Variants in ZNF831 observed in about 807,000 individuals in gnomAD.
ZNF831 encodes zinc finger protein 831, also known as chromosome 20 open reading frame 174.
Under a neutral mutation model 95.8 loss-of-function variants are expected in ZNF831, and 59 were observed. The observed-to-expected ratio is 0.62, with a 90% confidence interval of 0.50 to 0.77. The LOEUF (loss-of-function observed/expected upper bound fraction) is 0.77. ZNF831 is among the 30% of genes least tolerant of loss of function. The pLI, the probability that ZNF831 is intolerant of heterozygous loss-of-function variation, is 0.00. For missense variants in ZNF831, 2,205 were observed against 2,164.0 expected (o/e 1.02, Z -0.38); for synonymous variants, 961 against 925.5 (o/e 1.04, Z -0.70).
chr20:59,237,665 T>C (rs540697679), intron 4 of ZNF831, among the ~76,000 whole-genome samples: 9 of 152,342 alleles, frequency 5.9e-5, no homozygotes, highest in African/African-American at 2.2e-4. Context: ...ATGGAAGTTA[T>C]TCTCCTTTGA....
chr20:59,142,921 C>T (rs1003078397), intron 1 of ZNF831, among the ~76,000 whole-genome samples: 3 of 152,116 alleles, frequency 2.0e-5, no homozygotes, highest in Non-Finnish European at 2.9e-5. Context: ...TTTTAGACCA[C>T]GGTCTCACTC....
At chr20:59,204,269 C>T (rs1984727527) in intron 3 of ZNF831, among the ~76,000 whole-genome samples, 1 of 152,260 alleles carries the variant, frequency 6.6e-6, no homozygotes, top group African/African-American at 2.4e-5. Flanking sequence ...TGTCTATTCA[C>T]TTTAGTCATC....
chr20:59,142,182 C>G (rs1322617482), intron 1 of ZNF831, among the ~76,000 whole-genome samples: 1 of 152,132 alleles, frequency 6.6e-6, no homozygotes, highest in Non-Finnish European at 1.5e-5. Flanking sequence ...AGTAGAGAGT[C>G]AGTAGTTGGC....
chr20:59,217,771 T>C lies in ZNF831; in HGVS notation c.4027+10715T>C, dbSNP rs1170435733. On this transcript the variant is annotated intron_variant, in intron 4 of 5. Transcript: ENST00000371030. This position sits in a 1 kb window ranked among gnomAD's most constrained non-coding sequence, Gnocchi z 4.4. ...AACATGGAGGGACGATAAGACTCGTTTATTTATTTATTTATTTTTTTAAAT... is the reference window on the plus strand; with the variant it reads ...AACATGGAGGGACGATAAGACTCGTCTATTTATTTATTTATTTTTTTAAAT... Among the ~76,000 whole-genome samples, 2 of 152,002 alleles carry C rather than the reference T, an allele frequency of 1.3e-5. No individual in the cohort carries two copies. Among genetic ancestry groups the C allele is most frequent in the South Asian group, 4.2e-4 (2 of 4,784 alleles).
At chr20:59,239,983 C>T (rs1402863560) in intron 4 of ZNF831, among the ~76,000 whole-genome samples, 2 of 152,210 alleles carry the variant, frequency 1.3e-5, no homozygotes, top group Admixed American at 6.5e-5. Flanking sequence ...ACTGGTTCCT[C>T]CAGCCCCCAC....
intron 1 of ZNF831, among the ~76,000 whole-genome samples, chr20:59,143,136 T>A (rs1979733964): frequency 6.6e-6 from 1 of 152,200 alleles, no homozygotes; most frequent in African/African-American, 2.4e-5. Flanking sequence ...TGGCCTCAAA[T>A]GATTCTCCCA....
At chr20:59,138,889 T>C (rs1979591302) in intron 1 of ZNF831, among the ~76,000 whole-genome samples, 1 of 152,228 alleles carries the variant, frequency 6.6e-6, no homozygotes, top group African/African-American at 2.4e-5. Flanking sequence ...AGCCAGTGGA[T>C]GTTCCCTTGG....
intron 4 of ZNF831, among the ~76,000 whole-genome samples, chr20:59,225,221 T>G (rs1986352810): frequency 6.6e-6 from 1 of 152,212 alleles, no homozygotes; most frequent in Non-Finnish European, 1.5e-5. Flanking sequence ...CTTAACGTGG[T>G]TTACTCTGGA....
intron 1 of ZNF831, among the ~76,000 whole-genome samples, chr20:59,135,477 A>T (rs905315794): frequency 5.3e-5 from 8 of 152,214 alleles, no homozygotes; most frequent in Admixed American, 4.6e-4. Flanking sequence ...CACGCCTGTA[A>T]TCCCAGCACT....
chr20:59,152,014 A>G (rs982312547), intron 2 of ZNF831, among the ~76,000 whole-genome samples: 20 of 152,174 alleles, frequency 1.3e-4, no homozygotes, highest in African/African-American at 4.8e-4. Context: ...CTGCCTCACC[A>G]CTATCAACCT....
At chr20:59,160,345 G>C (rs1980780835), upstream of ZNF831, 1 of 152,324 alleles carries the variant, frequency 6.6e-6, no homozygotes, top group Non-Finnish European at 1.5e-5. Context: ...CATGATGGTG[G>C]GGGGAGGAAG....
At chr20:59,125,263 C>A (rs1979135826) in intron 1 of ZNF831, among the ~76,000 whole-genome samples, 1 of 152,224 alleles carries the variant, frequency 6.6e-6, no homozygotes, top group Admixed American at 6.5e-5. Context: ...CATCCCTGGC[C>A]TCACCCTGCT....
intron 1 of ZNF831, among the ~76,000 whole-genome samples, chr20:59,144,023 C>T (rs1979761620): frequency 6.6e-6 from 1 of 152,236 alleles, no homozygotes; most frequent in African/African-American, 2.4e-5. Flanking sequence ...ACTCTGTTCA[C>T]ACAGAGTTCA....
At chr20:59,243,975 C>T (rs1987466574) in intron 4 of ZNF831, among the ~76,000 whole-genome samples, 1 of 152,046 alleles carries the variant, frequency 6.6e-6, no homozygotes, top group Non-Finnish European at 1.5e-5. Flanking sequence ...CTTTCTTCCT[C>T]ACAATTTATC....
chr20:59,240,772 AG>A, intron 4 of ZNF831, among the ~76,000 whole-genome samples: 1 of 152,350 alleles, frequency 6.6e-6, no homozygotes, highest in Non-Finnish European at 1.5e-5. Flanking sequence ...ACTGCACTCC[AG>A]CCTGGGCGAC....
rs61743783 is a variant in ZNF831, at chr20:59,192,762, C to G, written c.1743C>G (p.Pro581=). 1 of 1,612,280 alleles carries G rather than the reference C, an allele frequency of 6.2e-7. No individual in the cohort carries two copies. The highest frequency in any genetic ancestry group is 1.1e-5 in the South Asian group (1 of 90,998). ...PGTPIGDALV[P]AEDTDAKRTA... is the part of the protein sequence containing the mutation. Reference sequence around the variant, plus strand: ...CCCCCATTGGCGATGCCCTGGTGCCCGCAGAGGACACAGACGCAAAGAGAA... The same window carrying G: ...CCCCCATTGGCGATGCCCTGGTGCCGGCAGAGGACACAGACGCAAAGAGAA... Residue 581 remains proline (P), a synonymous_variant, in exon 2 of 6, where the codon CCC becomes CCG. Transcript: ENST00000371030. This position sits in a 1 kb window ranked among gnomAD's most constrained non-coding sequence, Gnocchi z 5.2.
intron 1 of ZNF831, among the ~76,000 whole-genome samples, chr20:59,131,797 G>A (rs915418576): frequency 4.6e-5 from 7 of 152,350 alleles, no homozygotes; most frequent in East Asian, 3.9e-4. Context: ...TCTCCAGGGC[G>A]TGAGACAGAT....
At chr20:59,243,791 A>G (rs1031873053) in intron 4 of ZNF831, among the ~76,000 whole-genome samples, 3 of 152,216 alleles carry the variant, frequency 2.0e-5, no homozygotes, top group African/African-American at 7.2e-5. Flanking sequence ...TGATGAGGCA[A>G]TTGCTTAAAC....
At chr20:59,168,017 T>C (rs1981421917) in intron 1 of ZNF831, among the ~76,000 whole-genome samples, 1 of 152,242 alleles carries the variant, frequency 6.6e-6, no homozygotes, top group Admixed American at 6.5e-5. Flanking sequence ...TCAAGTTAGG[T>C]AGACTGATTC....
Sources: gnomAD v4.1 joint callset for allele counts (sites outside exome capture counted in the v4.1 genomes callset) on GRCh38, gnomAD v4.1.1 for gene constraint, Gnocchi (gnomAD v3.1) non-coding constraint, MANE v1.5 for transcripts, NCBI Gene and HGNC (gene_info 2026-07-23, HGNC 2026-07-21) for gene names.